Variants in INTS9 observed in about 807,000 individuals in gnomAD.
INTS9 encodes the protein protein related to CPSF subunits of 74 kDa.
In INTS9, 55 loss-of-function variants were observed where a neutral mutation model predicts 79.7. The observed-to-expected ratio is 0.69, with a 90% CI of 0.56 to 0.86. The LOEUF (loss-of-function observed/expected upper bound fraction) is 0.86, where lower values mean the gene tolerates loss of function less well. Among genes scored for constraint, INTS9 ranks in the 40% least tolerant of loss-of-function variants. The pLI is 0.00. For synonymous variants in INTS9, 319 were observed against 325.2 expected (o/e 0.98, Z 0.20); for missense variants, 721 against 831.5 (o/e 0.87, Z 1.64).
chr8:28,793,690 C>CAACAAAATG (rs968000598), intron 10 of INTS9, 117 bp downstream of exon 10: 9 of 989,284 alleles, frequency 9.1e-6, no homozygotes, highest in African/African-American at 1.6e-5. Flanking sequence ...GACAGAAAAA[C>CAACAAAATG]AACAAAATGA....
At chr8:28,869,463 G>A (rs1173312223) in intron 1 of INTS9, among the ~76,000 whole-genome samples, 2 of 152,182 alleles carry the variant, frequency 1.3e-5, no homozygotes, top group African/African-American at 4.8e-5. Context: ...CTCACTAGGA[G>A]ATACTCCATG....
At chr8:28,823,376 C>T (rs557845843) in intron 6 of INTS9, among the ~76,000 whole-genome samples, 2 of 151,732 alleles carry the variant, frequency 1.3e-5, no homozygotes, top group African/African-American at 4.8e-5. Context: ...AAACCTGTAC[C>T]AGCAAACCTT....
At chr8:28,864,778 G>A (rs1001153729) in intron 1 of INTS9, among the ~76,000 whole-genome samples, 1 of 152,106 alleles carries the variant, frequency 6.6e-6, no homozygotes, top group Non-Finnish European at 1.5e-5. Flanking sequence ...CAGATGCGGT[G>A]GCTCACGCCT....
chr8:28,855,706 G>A (rs1241293861), intron 2 of INTS9, among the ~76,000 whole-genome samples: 1 of 152,156 alleles, frequency 6.6e-6, no homozygotes. Flanking sequence ...TTGCTATAAC[G>A]GGTTACATAG....
chr8:28,847,479 C>G (rs1268969414), intron 3 of INTS9, among the ~76,000 whole-genome samples: 3 of 151,892 alleles, frequency 2.0e-5, no homozygotes, highest in Non-Finnish European at 4.4e-5. Context: ...ACCACTACCA[C>G]CTCCACCTCC....
intron 1 of INTS9, among the ~76,000 whole-genome samples, chr8:28,878,704 G>A (rs559943142): frequency 2.6e-5 from 4 of 151,244 alleles, no homozygotes; most frequent in East Asian, 3.9e-4. Flanking sequence ...TGGGCCAGGC[G>A]CGGTGGCTCA....
intron 2 of INTS9, among the ~76,000 whole-genome samples, chr8:28,856,872 T>C (rs1056547322): frequency 6.6e-6 from 1 of 152,164 alleles, no homozygotes; most frequent in Non-Finnish European, 1.5e-5. Flanking sequence ...GGCCCCTCCT[T>C]ATCTAGCCCT....
rs865960924 is a variant in INTS9, at chr8:28,804,682, G to A, written c.744+7645C>T. Among the ~76,000 whole-genome samples the A allele has an allele frequency of 5.4e-4, 83 of 152,306 alleles. 1 individual carries two copies. Among genetic ancestry groups the A allele is most frequent in the Middle Eastern group, 6.8e-3 (2 of 294 alleles). ...CAGGGAATCAAACAAGAACACCAAG[G>A]AAGGCAGCATCTACTAAACATGGTG... On this transcript the variant is annotated intron_variant, in intron 8 of 16. Coordinates refer to ENST00000521022, the MANE Select transcript of INTS9 (RefSeq NM_018250.4).
intron 4 of INTS9, among the ~76,000 whole-genome samples, chr8:28,844,906 A>G (rs1381264269): frequency 2.0e-5 from 3 of 152,224 alleles, no homozygotes; most frequent in Non-Finnish European, 4.4e-5. Context: ...TATTTTATGC[A>G]TTCATGACAT....
chr8:28,826,425 G>A (rs1023693168), intron 6 of INTS9, among the ~76,000 whole-genome samples: 1 of 152,136 alleles, frequency 6.6e-6, no homozygotes, highest in African/African-American at 2.4e-5. Flanking sequence ...AAAAATCAAG[G>A]AGGAGCTCAG....
At chr8:28,800,810 G>A (rs542455563) in intron 8 of INTS9, among the ~76,000 whole-genome samples, 1 of 152,278 alleles carries the variant, frequency 6.6e-6, no homozygotes, top group East Asian at 1.9e-4. Context: ...AACTATGTGA[G>A]GTAATGAATG....
intron 1 of INTS9, among the ~76,000 whole-genome samples, chr8:28,874,794 C>G (rs534485007): frequency 6.6e-6 from 1 of 152,318 alleles, no homozygotes; most frequent in East Asian, 1.9e-4. Context: ...CAATCAAATA[C>G]ACAAATCTTT....
chr8:28,793,259 T>C (rs1312644323), intron 10 of INTS9, among the ~76,000 whole-genome samples: 1 of 152,194 alleles, frequency 6.6e-6, no homozygotes, highest in Non-Finnish European at 1.5e-5. Flanking sequence ...TCTCCCTTTA[T>C]TTTTGGTCAG....
rs372399501 is a variant in INTS9, at chr8:28,874,451, G to A, written c.10-14888C>T. Among the ~76,000 whole-genome samples the A allele has an allele frequency of 1.6e-4, 25 of 151,690 alleles. No individual in the cohort carries two copies. The East Asian group carries it at 4.1e-3, about 25-fold the overall frequency. On this transcript the variant is annotated intron_variant, in intron 1 of 16. Transcript: ENST00000521022. ...ACTACAGGCACCTGCCACCATGCCCGGCTAATTTTTTGTATTTTTTTTTAG... is the reference window on the plus strand; with the variant it reads ...ACTACAGGCACCTGCCACCATGCCCAGCTAATTTTTTGTATTTTTTTTTAG...
At chr8:28,883,032 T>G (rs1809981554) in intron 1 of INTS9, among the ~76,000 whole-genome samples, 1 of 152,210 alleles carries the variant, frequency 6.6e-6, no homozygotes, top group South Asian at 2.1e-4. Context: ...TGCCTTTTCT[T>G]GCGATCCCTG....
chr8:28,779,760 T>A (rs1803131765), intron 12 of INTS9, among the ~76,000 whole-genome samples: 1 of 152,152 alleles, frequency 6.6e-6, no homozygotes, highest in African/African-American at 2.4e-5. Flanking sequence ...TAAACCCAAC[T>A]TGGTTTGACC....
At chr8:28,825,636 G>C (rs919822597) in intron 6 of INTS9, among the ~76,000 whole-genome samples, 1 of 152,188 alleles carries the variant, frequency 6.6e-6, no homozygotes, top group Admixed American at 6.5e-5. Context: ...AACTGGAACA[G>C]CCTTGCTCAA....
rs1802426243 is a variant in INTS9 at position 28,769,883 on chromosome 8, G to A, written c.1800+6C>T. 1.2e-6 allele frequency: 2 copies of A among 1,613,602 alleles called. No individual in the cohort carries two copies. The highest frequency in any genetic ancestry group is 4.5e-5 in the East Asian group (2 of 44,884). ...AGTTTTCACGGCACCAGCGAAACCA[G>A]CTCACCTTCTCCAGGGTCTGCACGA... is the stretch of plus-strand genomic sequence containing the variant. On this transcript the variant is annotated splice_donor_region_variant and intron_variant, in intron 16 of 16. Transcript: ENST00000521022.
intron 4 of INTS9, among the ~76,000 whole-genome samples, chr8:28,838,933 C>T (rs995554385): frequency 2.0e-5 from 3 of 152,200 alleles, no homozygotes; most frequent in Admixed American, 2.0e-4. Flanking sequence ...CCTAACAAGC[C>T]TTGGTGTGCT....
Sources: allele counts gnomAD v4.1 joint callset (sites outside exome capture counted in the v4.1 genomes callset), GRCh38; gene constraint gnomAD v4.1.1; transcripts MANE v1.5; gene names NCBI Gene and HGNC (gene_info 2026-07-23, HGNC 2026-07-21).